The following PIANP variants were observed in gnomAD, a reference collection of about 807,000 sequenced individuals.
The protein encoded by PIANP is PILR alpha associated neural protein.
In PIANP, 14 loss-of-function variants were observed where a neutral mutation model predicts 28.9. The ratio of observed to expected loss-of-function variants is 0.49; its 90% CI spans 0.32 to 0.76. The LOEUF (loss-of-function observed/expected upper bound fraction) is 0.76, where lower values mean the gene tolerates loss of function less well. PIANP is among the 30% of genes least tolerant of loss of function. The pLI is 0.03. For missense variants in PIANP, 322 were observed against 371.8 expected, an observed-to-expected ratio of 0.87 and a Z score of 1.10; for synonymous variants, 149 against 156.6, an observed-to-expected ratio of 0.95 and a Z score of 0.36.
chr12:6,695,357 ACC>A lies in PIANP; in HGVS notation c.*67_*68del. The stretch of plus-strand genomic sequence containing the variant: ...CCTCCTCACTACCCATCCAGAGGGC[ACC>A]CCCACCCCAGCTCTGAAGACCTAAG... On this transcript the variant is annotated 3_prime_UTR_variant, in exon 5 of 5. Transcript: ENST00000534837. This position sits in a 1 kb window ranked among gnomAD's most constrained non-coding sequence, Gnocchi z 4.2. The A allele has an allele frequency of 7.1e-7, 1 of 1,399,782 alleles. No homozygotes were observed. 86.7% of individuals were successfully genotyped at this position (1,399,782 alleles called of 1,614,324 possible).
intron 1 of PIANP, 113 bp from the exon 2 acceptor site, chr12:6,698,217 A>C (rs997000129): frequency 2.4e-6 from 2 of 836,864 alleles, no homozygotes; most frequent in Non-Finnish European, 3.9e-6. Flanking sequence ...GCTGCCAGCT[A>C]TGCGGCTGCA....
chr12:6,696,678 A>G lies in PIANP; in HGVS notation c.524-154T>C, dbSNP rs535697991. On this transcript the variant is annotated intron_variant, in intron 3 of 4. Transcript: ENST00000534837. This position sits in a 1 kb window ranked among gnomAD's most constrained non-coding sequence, Gnocchi z 4.0. ...CTGCCCCTCTGGAGCCTCACTCTTT[A>G]TTATCACCAGCATTCCCCTGAGTTT... 2.0e-5 allele frequency among the ~76,000 whole-genome samples: 3 copies of G among 152,130 alleles called. No homozygotes were observed. Among genetic ancestry groups the G allele is most frequent in the African/African-American group, 4.8e-5 (2 of 41,500 alleles).
chr12:6,692,287 G>T (rs114652155), downstream of PIANP, among the ~76,000 whole-genome samples: 989 of 152,328 alleles, frequency 6.5e-3, 11 homozygotes, highest in Middle Eastern at 0.024. Flanking sequence ...CTTCATGTTT[G>T]CCTTTTGCAT....
At position 6,698,009 on chromosome 12, in the gene PIANP, G is replaced by A. The variant is rs1959931979; in HGVS notation, c.17+36C>T. On this transcript the variant is annotated intron_variant, in intron 2 of 4. Transcript: ENST00000534837. ...GGAAGGAGTCATGGCCCCAGGGAAT[G>A]TGGTCTCCAGGCTCCCTCTGCTGGG... 3 of 1,553,938 alleles carry A rather than the reference G, an allele frequency of 1.9e-6. No individual in the cohort carries two copies. In the South Asian group the frequency reaches 3.6e-5, roughly 18 times the overall value.
rs916022119 is a variant in PIANP, at chr12:6,697,888, G to C, written c.18-96C>G. 3.3e-6 allele frequency: 5 copies of C among 1,503,328 alleles called. No homozygotes were observed. Among genetic ancestry groups the C allele is most frequent in the African/African-American group, 1.4e-5 (1 of 71,428 alleles). 93.1% of individuals were successfully genotyped at this position (1,503,328 alleles called of 1,614,324 possible). A position where few individuals can be genotyped will look rare whatever the true frequency, so the allele number is the denominator to read the frequency against. On this transcript the variant is annotated intron_variant, in intron 2 of 4. Transcript: ENST00000534837. This position sits in a 1 kb window ranked among gnomAD's most constrained non-coding sequence, Gnocchi z 6.9. The stretch of plus-strand genomic sequence containing the variant: ...ACACCAGAAACCTCCAGGTTTCCCT[G>C]TGAAAGCAGGTGGGCCTTGGGAAGA...
Position 6,693,932 on chromosome 12 carries a change from G to C in PIANP, c.*1494C>G, listed in dbSNP as rs73049713. 6.5e-6 allele frequency: 1 copy of C among 153,396 alleles called. No individual in the cohort carries two copies. The highest frequency in any genetic ancestry group is 1.5e-5 in the Non-Finnish European group (1 of 68,192). 9.5% of individuals were successfully genotyped at this position (153,396 alleles called of 1,614,324 possible). On this transcript the variant is annotated 3_prime_UTR_variant, in exon 5 of 5. Transcript: ENST00000534837. ...CAGGGAAGAAGGGAAGGAGGAAGGT[G>C]GAAAAACCAGTGAGAAGGAGGGAAG...
At position 6,695,669 on chromosome 12, in the gene PIANP, A is replaced by G; in HGVS notation, c.606-18T>C. On this transcript the variant is annotated intron_variant, in intron 4 of 4. Transcript: ENST00000534837. This position sits in a 1 kb window ranked among gnomAD's most constrained non-coding sequence, Gnocchi z 4.2. ...GGTCCCAGCTGGGGTACCAGAGGAA[A>G]AGAGGTTCTCTTGCACACTCAAGTA... The G allele has an allele frequency of 6.7e-7, 1 of 1,481,720 alleles. No homozygotes were observed. Among genetic ancestry groups the G allele is most frequent in the Non-Finnish European group, 9.0e-7 (1 of 1,111,878 alleles). The allele number at this position is 1,481,720 out of a possible 1,614,324, so 91.8% of individuals were successfully genotyped here. A position where few individuals can be genotyped will look rare whatever the true frequency, so the allele number is the denominator to read the frequency against.
At chr12:6,699,387 G>A (rs915300453) in intron 1 of PIANP, among the ~76,000 whole-genome samples, 10 of 152,070 alleles carry the variant, frequency 6.6e-5, no homozygotes, top group Non-Finnish European at 1.2e-4. Flanking sequence ...TGGAAGGCTG[G>A]TTAAGAGTGA....
intron 1 of PIANP, chr12:6,698,363 A>C: frequency 1.9e-6 from 1 of 514,886 alleles, no homozygotes; most frequent in Non-Finnish European, 3.5e-6. Context: ...GGCTTCTCTG[A>C]TTTCCCTTCT....
chr12:6,693,312 T>A (rs1959742468), downstream of PIANP, among the ~76,000 whole-genome samples: 1 of 151,968 alleles, frequency 6.6e-6, no homozygotes, highest in South Asian at 2.1e-4. Flanking sequence ...GGGGCAGCTG[T>A]GGGTGGGGGC....
rs533827433 is a variant in PIANP at position 6,697,533 on chromosome 12, A to G, written c.277T>C (p.Phe93Leu). Residue 93 changes from phenylalanine to leucine, a missense_variant, in exon 3 of 5, where the codon TTT becomes CTT. Physicochemically the swap from Phe to Leu is conservative, Grantham distance 22 (BLOSUM62 0). Coordinates refer to ENST00000534837, the MANE Select transcript of PIANP (RefSeq NM_001244014.2). This position sits in a 1 kb window ranked among gnomAD's most constrained non-coding sequence, Gnocchi z 6.9. ...GTAPPATPSG[F>L]EEGPPSSQYP... ...TGGGATGAGGGCGGCCCCTCCTCAA[A>G]GCCTGATGGGGTGGCTGGGGGTGCA... The G allele has an allele frequency of 1.7e-5, 27 of 1,610,966 alleles. No individual in the cohort carries two copies. In the East Asian group the frequency reaches 5.8e-4, roughly 35 times the overall value.
intron 1 of PIANP, among the ~76,000 whole-genome samples, chr12:6,699,176 G>A (rs1003804271): frequency 2.0e-5 from 3 of 152,272 alleles, no homozygotes; most frequent in Admixed American, 6.5e-5. Context: ...CCTGGGAGGC[G>A]GAGGTTGCAG....
rs533891355 is a variant in PIANP at position 6,698,108 on chromosome 12, G to A, written c.-43-4C>T. ...TGACCCAGATTTTCAGCCTTTACTG[G>A]GAGAAAAAGGGGGCCGTCACACCCC... is the stretch of plus-strand genomic sequence containing the variant. On this transcript the variant is annotated splice_region_variant and splice_polypyrimidine_tract_variant and intron_variant, in intron 1 of 4. Transcript: ENST00000534837. The A allele has an allele frequency of 6.4e-6, 10 of 1,551,490 alleles. No individual in the cohort carries two copies. Among genetic ancestry groups the A allele is most frequent in the South Asian group, 2.4e-5 (2 of 84,378 alleles).
Position 6,695,191 on chromosome 12 carries a change from C to A in PIANP, c.*235G>T, listed in dbSNP as rs1959814308. ...TTAGACAAGGTGGCATGAGAAAAAACCAAAGAGGGCAGAGTTGGAGTTATG... is the reference window on the plus strand; with the variant it reads ...TTAGACAAGGTGGCATGAGAAAAAAACAAAGAGGGCAGAGTTGGAGTTATG... On this transcript the variant is annotated 3_prime_UTR_variant, in exon 5 of 5. Transcript: ENST00000534837. This position sits in a 1 kb window ranked among gnomAD's most constrained non-coding sequence, Gnocchi z 4.2. 11 of 1,457,116 alleles carry A rather than the reference C, an allele frequency of 7.5e-6. No homozygotes were observed. Among genetic ancestry groups the A allele is most frequent in the South Asian group, 5.8e-5 (4 of 68,922 alleles). The allele number at this position is 1,457,116 out of a possible 1,614,324, so 90.3% of individuals were successfully genotyped here. A position where few individuals can be genotyped will look rare whatever the true frequency, so the allele number is the denominator to read the frequency against.
downstream of PIANP, among the ~76,000 whole-genome samples, chr12:6,693,371 G>A (rs79321434): frequency 3.4e-3 from 523 of 152,090 alleles, 2 homozygotes; most frequent in African/African-American, 0.012. Context: ...AGCTTCTTTC[G>A]GATGGCTGGC....
Position 6,697,188 on chromosome 12 carries a change from T to C in PIANP, c.523+99A>G. On this transcript the variant is annotated intron_variant, in intron 3 of 4. Transcript: ENST00000534837. The surrounding 1 kb of genome is among the most constrained non-coding windows in gnomAD (Gnocchi z 6.9). ...TGTGCCAGTATAGTGCCTGACACAT[T>C]TGTTGAAGGAGCTAACAGACAAGGC... is the stretch of plus-strand genomic sequence containing the variant. The C allele has an allele frequency of 6.7e-7, 1 of 1,502,682 alleles. No individual in the cohort carries two copies. Among genetic ancestry groups the C allele is most frequent in the East Asian group, 2.4e-5 (1 of 41,622 alleles). The allele number at this position is 1,502,682 out of a possible 1,614,324, so 93.1% of individuals were successfully genotyped here.
At position 6,695,524 on chromosome 12, in the gene PIANP, A is replaced by G; in HGVS notation, c.733T>C (p.Ser245Pro). The G allele has an allele frequency of 1.3e-6, 2 of 1,578,820 alleles. No homozygotes were observed. Among genetic ancestry groups the G allele is most frequent in the Non-Finnish European group, 1.7e-6 (2 of 1,161,094 alleles). ...GVTVLGAFGD[S>P]PTPTPDHEEP... is the part of the protein sequence containing the mutation. Reference sequence around the variant, plus strand: ...TCATGGTCAGGGGTGGGGGTAGGTGAGTCCCCGAAGGCCCCCAGCACAGTG... The same window carrying G: ...TCATGGTCAGGGGTGGGGGTAGGTGGGTCCCCGAAGGCCCCCAGCACAGTG... Residue 245 changes from serine (S) to proline (P), a missense_variant, in exon 5 of 5, where the codon TCA becomes CCA. Physicochemically the swap from Ser to Pro is moderately conservative, Grantham distance 74 (BLOSUM62 -1). Coordinates refer to ENST00000534837, the MANE Select transcript of PIANP (RefSeq NM_001244014.2). This position sits in a 1 kb window ranked among gnomAD's most constrained non-coding sequence, Gnocchi z 4.2.
downstream of PIANP, among the ~76,000 whole-genome samples, chr12:6,693,075 C>T (rs1959736769): frequency 6.6e-6 from 1 of 152,022 alleles, no homozygotes; most frequent in African/African-American, 2.4e-5. Context: ...TAGAGCCTAG[C>T]AACAGCTGAG....
Position 6,695,485 on chromosome 12 carries a change from C to T in PIANP, c.772G>A (p.Gly258Arg). 1 of 1,526,646 alleles carries T rather than the reference C, an allele frequency of 6.6e-7. No individual in the cohort carries two copies. The highest frequency in any genetic ancestry group is 8.8e-7 in the Non-Finnish European group (1 of 1,136,448). 94.6% of individuals were successfully genotyped at this position (1,526,646 alleles called of 1,614,324 possible). The change falls in exon 5 of 5, where the codon GGA becomes AGA. Residue 258 changes from glycine to arginine, a missense_variant. Coordinates refer to ENST00000534837, the MANE Select transcript of PIANP (RefSeq NM_001244014.2). This position sits in a 1 kb window ranked among gnomAD's most constrained non-coding sequence, Gnocchi z 4.2. ...PTPDHEEPRG[G>R]PRPGMPHPKG... ...GGGTGGGGCATCCCAGGCCGGGGTC[C>T]CCCTCGGGGCTCCTCATGGTCAGGG... is the stretch of plus-strand genomic sequence containing the variant.
Sources: gnomAD v4.1 joint callset for allele counts (sites outside exome capture counted in the v4.1 genomes callset) on GRCh38, gnomAD v4.1.1 for gene constraint, Gnocchi (gnomAD v3.1) non-coding constraint, MANE v1.5 for transcripts, NCBI Gene and HGNC (gene_info 2026-07-23, HGNC 2026-07-21) for gene names.